The following DNAH7 variants were observed in gnomAD, a reference collection of about 807,000 sequenced individuals.
DNAH7 encodes the protein axonemal beta dynein heavy chain 7.
DNAH7 carries 397 observed loss-of-function variants against 444.6 expected under a neutral mutation model. That is an observed-to-expected ratio of 0.89 (90% CI 0.82 to 0.97). DNAH7 has a LOEUF of 0.97. Among genes scored for constraint, DNAH7 ranks in the 50% least tolerant of loss-of-function variants. The pLI is 0.00. For synonymous variants in DNAH7, 1,636 were observed against 1,624.4 expected (o/e 1.01, Z -0.17); for missense variants, 4,902 against 4,800.8 (o/e 1.02, Z -0.62).
intron 5 of DNAH7, among the ~76,000 whole-genome samples, chr2:196,037,602 T>TA (rs776490875): frequency 1.3e-5 from 2 of 151,812 alleles, no homozygotes; most frequent in South Asian, 2.1e-4. Context: ...ATGAACAAAA[T>TA]AAAAAAATCA....
chr2:195,862,036 G>C (rs1222591183), intron 41 of DNAH7, 90 bp from the exon 42 acceptor site: 7 of 958,612 alleles, frequency 7.3e-6, no homozygotes, highest in South Asian at 1.6e-5. Flanking sequence ...ATGGATGTTG[G>C]GGGTGAAGGG....
In DNAH7 at chr2:195,743,240, T is replaced by A. The variant is rs190967051; in HGVS notation, c.11765-2371A>T. On this transcript the variant is annotated intron_variant, in intron 63 of 64. Coordinates refer to ENST00000312428, the MANE Select transcript of DNAH7 (RefSeq NM_018897.3). Reference sequence around the variant, plus strand: ...CTGTCTGCTTCCGTACTTTTGAGGTTTTGGGACTGGGACTGATCCACTACT... The same window carrying A: ...CTGTCTGCTTCCGTACTTTTGAGGTATTGGGACTGGGACTGATCCACTACT... Among the ~76,000 whole-genome samples, 110 of 152,334 alleles carry A rather than the reference T, an allele frequency of 7.2e-4. 2 individuals carry two copies. Among genetic ancestry groups the A allele is most frequent in the Admixed American group, 7.1e-3 (109 of 15,296 alleles).
intron 60 of DNAH7, among the ~76,000 whole-genome samples, chr2:195,773,926 G>C (rs1694953002): frequency 6.6e-6 from 1 of 152,106 alleles, no homozygotes; most frequent in South Asian, 2.1e-4. Context: ...AAAAAGTCTT[G>C]TCATCATTAA....
In DNAH7 at chr2:195,756,133, C is replaced by T. The variant is rs780454712; in HGVS notation, c.11586G>A (p.Gln3862=). The change falls in exon 62 of 65, where the codon CAG becomes CAA. Residue 3862 remains glutamine (Q), a splice_region_variant and synonymous_variant. Transcript: ENST00000312428. ...TATACGATCATTTAGACGAACTTACCTGCAAGAATTTTAGTCTTGCAAGGA... is the reference window on the plus strand; with the variant it reads ...TATACGATCATTTAGACGAACTTACTTGCAAGAATTTTAGTCTTGCAAGGA... ...NDFLARLKFL[Q]QWYEVGPPPV... 1 of 1,593,542 alleles carries T rather than the reference C, an allele frequency of 6.3e-7. No homozygotes were observed. Among genetic ancestry groups the T allele is most frequent in the Non-Finnish European group, 8.6e-7 (1 of 1,168,560 alleles).
chr2:195,809,681 A>G lies in DNAH7; in HGVS notation c.9888+64T>C, dbSNP rs1178005637. ...TCTTTTTATATATATTCCCATACAA[A>G]TTAATAAATTAATGAATCAGCGTTA... On this transcript the variant is annotated intron_variant, in intron 52 of 64. Transcript: ENST00000312428. 9.5e-6 allele frequency: 13 copies of G among 1,365,666 alleles called. No homozygotes were observed. In the African/African-American group the frequency reaches 1.9e-4, roughly 20 times the overall value. The allele number at this position is 1,365,666 out of a possible 1,614,324, so 84.6% of individuals were successfully genotyped here.
At chr2:196,007,043 A>C (rs1349510455) in intron 10 of DNAH7, among the ~76,000 whole-genome samples, 1 of 152,212 alleles carries the variant, frequency 6.6e-6, no homozygotes, top group African/African-American at 2.4e-5. Flanking sequence ...GATGTAATGC[A>C]TTCCCTATTA....
In DNAH7 at chr2:195,923,768, C is replaced by A. The variant is rs1268388134; in HGVS notation, c.3652G>T (p.Asp1218Tyr). 1 of 1,614,036 alleles carries A rather than the reference C, an allele frequency of 6.2e-7. No homozygotes were observed. ...QYLKTCNRQI[D>Y]DIVTLVRGKL... ...CCACGCACCAAAGTGACAATATCAT[C>A]AATTTGTCTGTTACATGTTTTCAAG... is the stretch of plus-strand genomic sequence containing the variant. Residue 1218 changes from aspartate (D) to tyrosine (Y), a missense_variant, in exon 23 of 65, where the codon GAT becomes TAT. By Grantham distance (160) the Asp-to-Tyr change is radical. Coordinates refer to ENST00000312428, the MANE Select transcript of DNAH7 (RefSeq NM_018897.3).
chr2:196,007,553 G>A (rs550000638), intron 10 of DNAH7, among the ~76,000 whole-genome samples: 1 of 152,148 alleles, frequency 6.6e-6, no homozygotes, highest in Non-Finnish European at 1.5e-5. Flanking sequence ...GTTTGGCTGT[G>A]TCTCCACCCA....
chr2:196,047,447 A>G lies in DNAH7; in HGVS notation c.303T>C (p.Asp101=). 6.2e-7 allele frequency: 1 copy of G among 1,604,324 alleles called. No individual in the cohort carries two copies. The highest frequency in any genetic ancestry group is 8.5e-7 in the Non-Finnish European group (1 of 1,174,456). The change falls in exon 5 of 65, where the codon GAT becomes GAC. Residue 101 remains aspartate, a synonymous_variant. Coordinates refer to ENST00000312428, the MANE Select transcript of DNAH7 (RefSeq NM_018897.3). ...AAGTAGATGGTCCAACATAACTATC[A>G]TCAACTTGGTGGGGTAATTTGCCCT... The part of the protein sequence containing the change: ...GKKGKLPHQV[D]DSYVGPSTSK...
intron 17 of DNAH7, among the ~76,000 whole-genome samples, chr2:195,966,242 C>G (rs1438124768): frequency 6.6e-6 from 1 of 152,022 alleles, no homozygotes; most frequent in Non-Finnish European, 1.5e-5. Context: ...TGCTTAATTC[C>G]TATGTGTTTG....
In DNAH7 at chr2:195,767,103, T is replaced by C. The variant is rs76785662; in HGVS notation, c.11433+4557A>G. 1.5e-3 allele frequency among the ~76,000 whole-genome samples: 231 copies of C among 152,246 alleles called. 2 individuals are homozygous for C. Among genetic ancestry groups the C allele is most frequent in the African/African-American group, 5.3e-3 (221 of 41,576 alleles). ...TTCTAACATATATTTGAAGCTGCAT[T>C]CTCCAATTTTTGGCATGTTGATATC... On this transcript the variant is annotated intron_variant, in intron 61 of 64. Coordinates refer to ENST00000312428, the MANE Select transcript of DNAH7 (RefSeq NM_018897.3).
At chr2:195,895,318 T>C (rs1574696240) in intron 29 of DNAH7, 94 bp from the exon 30 acceptor site, 3 of 781,710 alleles carry the variant, frequency 3.8e-6, no homozygotes, top group African/African-American at 1.8e-5. Context: ...TAGATAATAA[T>C]AGTTCAACAA....
intron 14 of DNAH7, among the ~76,000 whole-genome samples, chr2:195,984,984 G>A: frequency 6.6e-6 from 1 of 152,190 alleles, no homozygotes; most frequent in East Asian, 1.9e-4. Context: ...TACAGTAAGG[G>A]AGATAGGACT....
At chr2:196,007,650 CTCT>C (rs573964621) in intron 10 of DNAH7, among the ~76,000 whole-genome samples, 30 of 152,252 alleles carry the variant, frequency 2.0e-4, no homozygotes, top group African/African-American at 7.0e-4. Flanking sequence ...TTCCCCTGTA[CTCT>C]TCTTGTGGTA....
chr2:196,023,349 C>A (rs750476923), intron 8 of DNAH7, among the ~76,000 whole-genome samples: 2 of 152,148 alleles, frequency 1.3e-5, no homozygotes, highest in Admixed American at 6.6e-5. Flanking sequence ...CAACTGTGAG[C>A]CAACTAAACC....
At chr2:195,745,944 A>G (rs2105888901) in intron 63 of DNAH7, among the ~76,000 whole-genome samples, 1 of 152,324 alleles carries the variant, frequency 6.6e-6, no homozygotes, top group Middle Eastern at 3.4e-3. Context: ...GCATCAACTA[A>G]CGAGCAAAAT....
rs115111649 is a variant in DNAH7, at chr2:196,008,779, G to A, written c.989+4008C>T. 1.6e-3 allele frequency among the ~76,000 whole-genome samples: 239 copies of A among 152,316 alleles called. 1 individual carries two copies. The highest frequency in any genetic ancestry group is 5.5e-3 in the African/African-American group (229 of 41,570). Reference sequence around the variant, plus strand: ...AGTTACCAGGCACCTCTGGGTGGAAGAATGGGAAATGGCTGCTAACAGGTA... The same window carrying A: ...AGTTACCAGGCACCTCTGGGTGGAAAAATGGGAAATGGCTGCTAACAGGTA... On this transcript the variant is annotated intron_variant, in intron 10 of 64. Coordinates refer to ENST00000312428, the MANE Select transcript of DNAH7 (RefSeq NM_018897.3).
chr2:195,740,277 G>A (rs919794716), intron 64 of DNAH7, among the ~76,000 whole-genome samples: 4 of 152,122 alleles, frequency 2.6e-5, no homozygotes, highest in Non-Finnish European at 5.9e-5. Context: ...GAGCCACTGC[G>A]CCCAGCCAGT....
chr2:195,803,415 A>G (rs953142388), intron 54 of DNAH7, among the ~76,000 whole-genome samples: 7 of 152,232 alleles, frequency 4.6e-5, no homozygotes, highest in African/African-American at 1.7e-4. Flanking sequence ...GAGTGATCAG[A>G]GACAAATTGC....
Sources: gnomAD v4.1 joint callset for allele counts (sites outside exome capture counted in the v4.1 genomes callset) on GRCh38, gnomAD v4.1.1 for gene constraint, MANE v1.5 for transcripts, NCBI Gene and HGNC (gene_info 2026-07-23, HGNC 2026-07-21) for gene names.